Variants in EXOC6B observed in about 807,000 individuals in gnomAD.
EXOC6B encodes the protein SEC15 homolog B.
In EXOC6B, 54 loss-of-function variants were observed where a neutral mutation model predicts 113.5. That is an observed-to-expected ratio of 0.48 (90% CI 0.38 to 0.60). The LOEUF is 0.60. EXOC6B is among the 20% of genes least tolerant of loss of function. The pLI is 0.00. For missense variants in EXOC6B, 797 were observed against 977.5 expected (o/e 0.82, Z 2.46); for synonymous variants, 357 against 339.0 (o/e 1.05, Z -0.58).
At chr2:72,535,124 C>T (rs12618390) in intron 8 of EXOC6B, among the ~76,000 whole-genome samples, 1 of 152,096 alleles carries the variant, frequency 6.6e-6, no homozygotes, top group South Asian at 2.1e-4. Flanking sequence ...CCTATTTTAA[C>T]ACATACTCTT....
chr2:72,530,440 T>C (rs1701945067), intron 8 of EXOC6B, among the ~76,000 whole-genome samples: 1 of 152,182 alleles, frequency 6.6e-6, no homozygotes, highest in Admixed American at 6.5e-5. Flanking sequence ...TAATTTCTAG[T>C]CTGATTCCAT....
At chr2:72,395,408 C>T (rs546996078) in intron 18 of EXOC6B, among the ~76,000 whole-genome samples, 15 of 152,058 alleles carry the variant, frequency 9.9e-5, no homozygotes, top group Non-Finnish European at 1.9e-4. Flanking sequence ...CCTCATTAGC[C>T]CTAGTTTCTT....
At chr2:72,434,826 A>T (rs949269189) in intron 18 of EXOC6B, among the ~76,000 whole-genome samples, 5 of 151,916 alleles carry the variant, frequency 3.3e-5, no homozygotes, top group Admixed American at 2.0e-4. Flanking sequence ...CTAGCAGTTT[A>T]TCTATTTTGT....
chr2:72,485,769 A>T (rs10183056), intron 16 of EXOC6B, among the ~76,000 whole-genome samples: 20,698 of 152,216 alleles, frequency 0.14, 1,733 homozygotes, highest in African/African-American at 0.24. Flanking sequence ...CATATGGTCA[A>T]CAATCTAAAT....
At chr2:72,667,814 C>T (rs532541021) in intron 6 of EXOC6B, among the ~76,000 whole-genome samples, 17 of 152,084 alleles carry the variant, frequency 1.1e-4, no homozygotes, top group Middle Eastern at 3.4e-3. Context: ...TTGACCTTGG[C>T]GAAGAATTTA....
intron 6 of EXOC6B, among the ~76,000 whole-genome samples, chr2:72,708,420 A>C (rs1679034839): frequency 6.6e-6 from 1 of 152,212 alleles, no homozygotes; most frequent in African/African-American, 2.4e-5. Flanking sequence ...CAGTTATACG[A>C]GTTTTGACAA....
chr2:72,636,331 G>GGAAGGAA (rs1672820159), intron 6 of EXOC6B, among the ~76,000 whole-genome samples: 5 of 80,810 alleles, frequency 6.2e-5, no homozygotes, highest in African/African-American at 1.1e-4. Flanking sequence ...GAGGGAAGGA[G>GGAAGGAA]GGAAGGAAGG....
chr2:72,606,147 T>C (rs759979900), intron 6 of EXOC6B, among the ~76,000 whole-genome samples: 20 of 152,308 alleles, frequency 1.3e-4, no homozygotes, highest in Non-Finnish European at 2.2e-4. Flanking sequence ...CATAGGCCAA[T>C]AGGAATTAGT....
intron 20 of EXOC6B, among the ~76,000 whole-genome samples, chr2:72,198,065 C>T (rs911227298): frequency 2.0e-5 from 3 of 152,110 alleles, no homozygotes; most frequent in African/African-American, 7.2e-5. Context: ...GCAGGGTATA[C>T]CACATTAATT....
intron 16 of EXOC6B, among the ~76,000 whole-genome samples, chr2:72,484,554 G>C (rs1471882439): frequency 7.3e-6 from 1 of 136,214 alleles, no homozygotes; most frequent in Non-Finnish European, 1.5e-5. Context: ...GCGACAGAGC[G>C]AGACTCCGTC....
intron 18 of EXOC6B, among the ~76,000 whole-genome samples, chr2:72,413,501 G>T (rs1694319019): frequency 6.6e-6 from 1 of 150,698 alleles, no homozygotes; most frequent in Non-Finnish European, 1.5e-5. Context: ...TGGCCAGTAT[G>T]GTGAAACCCA....
intron 1 of EXOC6B, among the ~76,000 whole-genome samples, chr2:72,796,664 A>G (rs1355354516): frequency 6.6e-6 from 1 of 152,020 alleles, no homozygotes; most frequent in African/African-American, 2.4e-5. Flanking sequence ...TCCGTCCCAC[A>G]GCTCTTGTTT....
intron 9 of EXOC6B, among the ~76,000 whole-genome samples, 178 bp downstream of exon 9, chr2:72,514,865 C>T (rs1273711856): frequency 1.3e-5 from 2 of 151,286 alleles, no homozygotes; most frequent in Non-Finnish European, 2.9e-5. Flanking sequence ...TAGAACAGTG[C>T]CAGACACACA....
At chr2:72,554,436 T>C (rs887223938) in intron 8 of EXOC6B, among the ~76,000 whole-genome samples, 2 of 152,208 alleles carry the variant, frequency 1.3e-5, no homozygotes, top group African/African-American at 2.4e-5. Flanking sequence ...GATTAGATTA[T>C]GGGGGCAGTT....
At chr2:72,819,964 T>C (rs963549387) in intron 1 of EXOC6B, among the ~76,000 whole-genome samples, 6 of 152,156 alleles carry the variant, frequency 3.9e-5, no homozygotes, top group African/African-American at 7.2e-5. Flanking sequence ...CATGGACCTA[T>C]AATGAGAAAG....
chr2:72,733,958 G>C (rs867663413), intron 2 of EXOC6B, among the ~76,000 whole-genome samples: 1 of 152,062 alleles, frequency 6.6e-6, no homozygotes, highest in Admixed American at 6.6e-5. Context: ...GTGTTACTTA[G>C]CAGGTACTCT....
At chr2:72,447,406 T>C (rs1696653767) in intron 18 of EXOC6B, among the ~76,000 whole-genome samples, 1 of 152,178 alleles carries the variant, frequency 6.6e-6, no homozygotes, top group South Asian at 2.1e-4. Context: ...TGAAATCAAA[T>C]AAATCTATTT....
At chr2:72,493,772 A>C (rs1046900057) in intron 15 of EXOC6B, among the ~76,000 whole-genome samples, 6 of 152,122 alleles carry the variant, frequency 3.9e-5, no homozygotes, top group Non-Finnish European at 8.8e-5. Context: ...AAATTTTGTC[A>C]ATATGTATAA....
chr2:72,197,185 GATCCCGAGGAAA>G (rs1452540127), intron 20 of EXOC6B, among the ~76,000 whole-genome samples: 5 of 152,150 alleles, frequency 3.3e-5, no homozygotes, highest in Admixed American at 6.6e-5. Flanking sequence ...CATTTCATTT[GATCCCGAGGAAA>G]ATCAACAGCA....
Sources: allele counts gnomAD v4.1 joint callset (sites outside exome capture counted in the v4.1 genomes callset), GRCh38; gene constraint gnomAD v4.1.1; transcripts MANE v1.5; gene names NCBI Gene and HGNC (gene_info 2026-07-23, HGNC 2026-07-21).